LRP1B: variants seen among roughly 807,000 people sequenced by gnomAD.
The protein encoded by LRP1B is LDL receptor related protein 1B, also known as low-density lipoprotein receptor-related protein 1B.
In LRP1B, 217 loss-of-function variants were observed where a neutral mutation model predicts 556.6. That is an observed-to-expected ratio of 0.39 (90% CI 0.35 to 0.44). The LOEUF is 0.44. Ranked by LOEUF, LRP1B falls within the 20% of genes least tolerant of loss-of-function variation. The probability of loss-of-function intolerance (pLI) is 1.00; values close to 1 mark genes in which losing one functional copy is unlikely to be tolerated. For missense variants in LRP1B, 5,053 were observed against 5,620.8 expected, an observed-to-expected ratio of 0.90 and a Z score of 3.23; for synonymous variants, 2,047 against 1,865.8, an observed-to-expected ratio of 1.10 and a Z score of -2.50.
chr2:141,653,073 T>C (rs921004822), intron 2 of LRP1B, among the ~76,000 whole-genome samples: 2 of 152,192 alleles, frequency 1.3e-5, no homozygotes, highest in African/African-American at 4.8e-5. Context: ...TGTTATAACA[T>C]GATCTCTCAA....
At chr2:142,023,344 C>T (rs989056026) in intron 1 of LRP1B, among the ~76,000 whole-genome samples, 1 of 152,174 alleles carries the variant, frequency 6.6e-6, no homozygotes, top group Non-Finnish European at 1.5e-5. Context: ...GTATTCATTT[C>T]AATGCCTTGG....
At chr2:141,304,181 T>C (rs1686497757) in intron 3 of LRP1B, among the ~76,000 whole-genome samples, 1 of 152,178 alleles carries the variant, frequency 6.6e-6, no homozygotes, top group African/African-American at 2.4e-5. Flanking sequence ...GTTGGATGAA[T>C]ACTTCTCAAG....
At chr2:141,255,150 GA>G in intron 3 of LRP1B, among the ~76,000 whole-genome samples, 1 of 151,932 alleles carries the variant, frequency 6.6e-6, no homozygotes, top group Non-Finnish European at 1.5e-5. Flanking sequence ...AACTATTTGA[GA>G]AAAGACATGA....
rs1553519001 is a variant in LRP1B, at chr2:141,471,282, T to TTTTGTTTTTG, written c.343+9113_343+9114insCAAAAACAAA. Among the ~76,000 whole-genome samples, 363 of 113,820 alleles carry TTTTGTTTTTG rather than the reference T, an allele frequency of 3.2e-3. 1 individual carries two copies. The highest frequency in any genetic ancestry group is 0.01 in the East Asian group (28 of 2,708). The allele number at this position is 113,820 out of a possible 152,430, so 74.7% of individuals were successfully genotyped here. ...TATACCCTGGTATTTTTTTTTTTTT[T>TTTTGTTTTTG]TTTTTTTTTTTTACTCTCTTGCTTT... On this transcript the variant is annotated intron_variant, in intron 3 of 90. Coordinates refer to ENST00000389484, the MANE Select transcript of LRP1B (RefSeq NM_018557.3).
chr2:140,412,679 TTTC>T (rs1470881404), intron 66 of LRP1B, among the ~76,000 whole-genome samples: 3 of 152,028 alleles, frequency 2.0e-5, no homozygotes, highest in African/African-American at 7.2e-5. Context: ...ATAAATATGA[TTTC>T]TTTTTACATC....
At chr2:141,162,488 G>C (rs1680079515) in intron 7 of LRP1B, among the ~76,000 whole-genome samples, 1 of 151,996 alleles carries the variant, frequency 6.6e-6, no homozygotes, top group African/African-American at 2.4e-5. Flanking sequence ...ATGTGAGCCT[G>C]CATCTCATAC....
intron 1 of LRP1B, among the ~76,000 whole-genome samples, chr2:141,922,735 T>C (rs1700224405): frequency 6.6e-6 from 1 of 152,150 alleles, no homozygotes; most frequent in Non-Finnish European, 1.5e-5. Flanking sequence ...AAATTGAGTC[T>C]AGAGTCACAC....
At chr2:140,422,691 C>T (rs1685495622) in intron 66 of LRP1B, among the ~76,000 whole-genome samples, 1 of 152,072 alleles carries the variant, frequency 6.6e-6, no homozygotes, top group Admixed American at 6.5e-5. Flanking sequence ...AGAAACCAGG[C>T]TTAAATTAGA....
chr2:140,968,780 G>A (rs1307883176), intron 18 of LRP1B, among the ~76,000 whole-genome samples: 6 of 152,166 alleles, frequency 3.9e-5, no homozygotes, highest in East Asian at 1.9e-4. Flanking sequence ...CCTTCATTTC[G>A]TTATGTACCT....
intron 62 of LRP1B, among the ~76,000 whole-genome samples, chr2:140,451,330 T>A (rs1282929817): frequency 6.6e-6 from 1 of 152,202 alleles, no homozygotes; most frequent in Non-Finnish European, 1.5e-5. Flanking sequence ...ATATTTACTA[T>A]CTGGCCCTTT....
At chr2:141,332,092 C>G (rs975321483) in intron 3 of LRP1B, among the ~76,000 whole-genome samples, 1 of 151,932 alleles carries the variant, frequency 6.6e-6, no homozygotes, top group Admixed American at 6.6e-5. Flanking sequence ...AACTATGGAG[C>G]TATTCTGTAA....
chr2:141,635,130 A>G (rs979874096), intron 2 of LRP1B, among the ~76,000 whole-genome samples: 1 of 119,522 alleles, frequency 8.4e-6, no homozygotes, highest in Non-Finnish European at 1.8e-5. Flanking sequence ...ACCCTGCAAA[A>G]AAGAAAAGAA....
chr2:141,214,749 T>C (rs1165286974), intron 6 of LRP1B, among the ~76,000 whole-genome samples: 1 of 152,172 alleles, frequency 6.6e-6, no homozygotes, highest in African/African-American at 2.4e-5. Context: ...GTGCATATCA[T>C]GGGAAGTCAG....
At chr2:140,957,397 T>C (rs1054736537) in intron 18 of LRP1B, among the ~76,000 whole-genome samples, 17 of 151,482 alleles carry the variant, frequency 1.1e-4, no homozygotes, top group African/African-American at 3.4e-4. Flanking sequence ...AGTAGTGAAA[T>C]AGGCTTGCAA....
intron 86 of LRP1B, among the ~76,000 whole-genome samples, chr2:140,260,285 T>C (rs911503050): frequency 1.3e-5 from 2 of 151,928 alleles, no homozygotes; most frequent in Non-Finnish European, 1.5e-5. Context: ...TTAGGTCTTT[T>C]GAGTTTTCCC....
chr2:141,092,931 G>A (rs1317619548), intron 7 of LRP1B, among the ~76,000 whole-genome samples: 1 of 152,134 alleles, frequency 6.6e-6, no homozygotes, highest in Non-Finnish European at 1.5e-5. Context: ...GAGAGAACTG[G>A]ATAGGAGAAA....
chr2:140,442,398 T>A, intron 66 of LRP1B, 106 bp downstream of exon 66: 1 of 1,412,358 alleles, frequency 7.1e-7, no homozygotes, highest in Non-Finnish European at 9.5e-7. Flanking sequence ...CCTTTTCAGG[T>A]AAGACCTTAG....
intron 37 of LRP1B, among the ~76,000 whole-genome samples, chr2:140,708,541 G>A (rs1330608858): frequency 6.7e-6 from 1 of 149,918 alleles, no homozygotes; most frequent in Non-Finnish European, 1.5e-5. Context: ...ATATTTCATA[G>A]CACATTAAAA....
chr2:141,421,287 G>C (rs1680129043), intron 3 of LRP1B, among the ~76,000 whole-genome samples: 2 of 152,136 alleles, frequency 1.3e-5, no homozygotes. Flanking sequence ...CCAGCACTTT[G>C]GGAGCCCGAG....
Sources: allele counts gnomAD v4.1 joint callset (sites outside exome capture counted in the v4.1 genomes callset), GRCh38; gene constraint gnomAD v4.1.1; transcripts MANE v1.5; gene names NCBI Gene and HGNC (gene_info 2026-07-23, HGNC 2026-07-21).